DIP2C: variants seen among roughly 807,000 people sequenced by gnomAD.
The protein encoded by DIP2C is disco-interacting protein 2 homolog C.
In DIP2C, 33 loss-of-function variants were observed where a neutral mutation model predicts 192.4. The observed-to-expected ratio is 0.17, with a 90% CI of 0.13 to 0.23. The LOEUF (loss-of-function observed/expected upper bound fraction) is 0.23. DIP2C is among the 10% of genes least tolerant of loss of function. The probability of loss-of-function intolerance (pLI) is 1.00; values close to 1 mark genes in which losing one functional copy is unlikely to be tolerated. For missense variants in DIP2C, 1,537 were observed against 2,110.1 expected (o/e 0.73, Z 5.32); for synonymous variants, 979 against 864.1 (o/e 1.13, Z -2.33).
intron 24 of DIP2C, among the ~76,000 whole-genome samples, chr10:353,836 C>T (rs531996172): frequency 5.9e-5 from 9 of 152,274 alleles, no homozygotes; most frequent in Non-Finnish European, 1.0e-4. Flanking sequence ...ATCACTGGAA[C>T]GAATTTCATG....
chr10:389,752 C>T (rs769103363), intron 13 of DIP2C, among the ~76,000 whole-genome samples: 5 of 152,252 alleles, frequency 3.3e-5, no homozygotes, highest in Non-Finnish European at 5.9e-5. Flanking sequence ...CCCAAGGACA[C>T]GCTGACCTCA....
chr10:589,152 G>A (rs1016705064), intron 1 of DIP2C, among the ~76,000 whole-genome samples: 1 of 152,144 alleles, frequency 6.6e-6, no homozygotes, highest in Non-Finnish European at 1.5e-5. Flanking sequence ...CACCTGTTCA[G>A]GTCTCTGCCC....
intron 1 of DIP2C, among the ~76,000 whole-genome samples, chr10:641,976 T>C (rs540361047): frequency 4.6e-5 from 7 of 152,070 alleles, no homozygotes; most frequent in East Asian, 1.9e-4. Flanking sequence ...GGAGCCAAGA[T>C]TGCACCACTG....
chr10:459,795 C>G lies in DIP2C; in HGVS notation c.268+12644G>C, dbSNP rs370578130. Among the ~76,000 whole-genome samples, 24 of 146,084 alleles carry G rather than the reference C, an allele frequency of 1.6e-4. No individual in the cohort carries two copies. In the East Asian group the frequency reaches 4.9e-3, roughly 30 times the overall value. ...CAGGGAACCACCTGCTGCACGTGAG[C>G]TCTAGGACCTTCCCACAGCCACATC... is the stretch of plus-strand genomic sequence containing the variant. On this transcript the variant is annotated intron_variant, in intron 3 of 36. Transcript: ENST00000280886.
chr10:409,794 A>G (rs760490053), intron 8 of DIP2C, among the ~76,000 whole-genome samples: 11 of 152,328 alleles, frequency 7.2e-5, no homozygotes, highest in East Asian at 1.9e-4. Context: ...TTTAATCACA[A>G]TCCTTGGATT....
In DIP2C at chr10:456,191, T is replaced by C. The variant is rs376802344; in HGVS notation, c.269-15195A>G. On this transcript the variant is annotated intron_variant, in intron 3 of 36. Coordinates refer to ENST00000280886, the MANE Select transcript of DIP2C (RefSeq NM_014974.3). ...CTGCCTGAGGGGAGACTGTGAGGAG[T>C]AAATGAGATGAAAACACTCTGCAGT... Among the ~76,000 whole-genome samples the C allele has an allele frequency of 2.8e-3, 300 of 107,610 alleles. 1 individual carries two copies. The highest frequency in any genetic ancestry group is 0.013 in the African/African-American group (235 of 18,078). The allele number at this position is 107,610 out of a possible 152,430, so 70.6% of individuals were successfully genotyped here. A position where few individuals can be genotyped will look rare whatever the true frequency, so the allele number is the denominator to read the frequency against.
intron 3 of DIP2C, among the ~76,000 whole-genome samples, chr10:445,757 C>T (rs1968132499): frequency 6.6e-6 from 1 of 150,834 alleles, no homozygotes; most frequent in African/African-American, 2.4e-5. Flanking sequence ...TGTGAAGAGT[C>T]TCACAGGACC....
At chr10:684,115 C>T (rs774177237) in intron 1 of DIP2C, among the ~76,000 whole-genome samples, 55 of 152,228 alleles carry the variant, frequency 3.6e-4, no homozygotes, top group Non-Finnish European at 7.1e-4. Context: ...AGCATTTATT[C>T]GCCAAGAAAA....
intron 23 of DIP2C, 36 bp from the exon 24 acceptor site, chr10:356,542 C>T (rs368443868): frequency 5.3e-5 from 84 of 1,578,150 alleles, no homozygotes; most frequent in East Asian, 5.0e-4. Flanking sequence ...TCAGGCTGTG[C>T]GGTTGGATCA....
At chr10:389,390 TCCCTCCACTCACTTC>T (rs1364423571) in intron 13 of DIP2C, among the ~76,000 whole-genome samples, 1 of 150,802 alleles carries the variant, frequency 6.6e-6, no homozygotes, top group Non-Finnish European at 1.5e-5. Context: ...CCACTCAAGT[TCCCTCCACTCACTTC>T]CCCTCTTTGC....
chr10:600,838 G>GA (rs778612713), intron 1 of DIP2C, among the ~76,000 whole-genome samples: 13 of 152,230 alleles, frequency 8.5e-5, no homozygotes. Context: ...AACCATAAGA[G>GA]AATCAGGTCT....
chr10:635,358 G>T (rs930402127), intron 1 of DIP2C, among the ~76,000 whole-genome samples: 1 of 152,240 alleles, frequency 6.6e-6, no homozygotes, highest in Non-Finnish European at 1.5e-5. Flanking sequence ...TCACAGACTG[G>T]GATAACAGTG....
chr10:623,501 G>A (rs1426383684), intron 1 of DIP2C, among the ~76,000 whole-genome samples: 1 of 126,454 alleles, frequency 7.9e-6, no homozygotes, highest in Admixed American at 7.9e-5. Flanking sequence ...CTGAGGGGAG[G>A]AGGGGAGGGA....
At chr10:584,456 C>G (rs1428389260) in intron 1 of DIP2C, among the ~76,000 whole-genome samples, 6 of 148,466 alleles carry the variant, frequency 4.0e-5, no homozygotes, top group Non-Finnish European at 8.9e-5. Context: ...CGCATCACCT[C>G]TCAATCTCGG....
intron 1 of DIP2C, among the ~76,000 whole-genome samples, chr10:590,407 C>T (rs1029621993): frequency 2.2e-4 from 34 of 152,256 alleles, no homozygotes; most frequent in African/African-American, 7.5e-4. Flanking sequence ...CACTGAGCAT[C>T]TTCTCCCAGA....
At chr10:581,757 A>G (rs988365932) in intron 1 of DIP2C, among the ~76,000 whole-genome samples, 1 of 152,070 alleles carries the variant, frequency 6.6e-6, no homozygotes, top group Non-Finnish European at 1.5e-5. Context: ...CCCAGGCCCT[A>G]CTGGAGATGA....
At chr10:639,066 G>C (rs1854990576) in intron 1 of DIP2C, among the ~76,000 whole-genome samples, 2 of 151,584 alleles carry the variant, frequency 1.3e-5, no homozygotes, top group Admixed American at 6.6e-5. Flanking sequence ...CTGCATGATG[G>C]AGGTCCCACA....
Position 651,036 on chromosome 10 carries a change from C to T in DIP2C, c.85+38458G>A, listed in dbSNP as rs1185786266. ...GCCCCAGCCCCCGTTTCTGCAGAAG[C>T]CCCTTTCCATCCTAGCCCCTGCCAC... On this transcript the variant is annotated intron_variant, in intron 1 of 36. Coordinates refer to ENST00000280886, the MANE Select transcript of DIP2C (RefSeq NM_014974.3). The surrounding 1 kb of genome is among the most constrained non-coding windows in gnomAD (Gnocchi z 4.1). The T allele has an allele frequency of 2.8e-6, 2 of 717,328 alleles. No individual in the cohort carries two copies. Among genetic ancestry groups the T allele is most frequent in the Admixed American group, 2.0e-5 (1 of 50,020 alleles). The allele number at this position is 717,328 out of a possible 1,614,324, so 44.4% of individuals were successfully genotyped here. A position where few individuals can be genotyped will look rare whatever the true frequency, so the allele number is the denominator to read the frequency against.
intron 3 of DIP2C, 55 bp downstream of exon 3, chr10:472,383 AC>A: frequency 6.5e-7 from 1 of 1,533,092 alleles, no homozygotes; most frequent in Non-Finnish European, 9.0e-7. Flanking sequence ...GGGCACAGGC[AC>A]CGTCCTGGCA....
Sources: allele counts gnomAD v4.1 joint callset (sites outside exome capture counted in the v4.1 genomes callset), GRCh38; gene constraint gnomAD v4.1.1; non-coding constraint Gnocchi (gnomAD v3.1); transcripts MANE v1.5; gene names NCBI Gene and HGNC (gene_info 2026-07-23, HGNC 2026-07-21).